Variants in RBM47 observed in about 807,000 individuals in gnomAD.
The protein encoded by RBM47 is RNA binding motif protein 47.
In RBM47, 21 loss-of-function variants were observed where a neutral mutation model predicts 47.1. The ratio of observed to expected loss-of-function variants is 0.45; its 90% CI spans 0.32 to 0.64. The LOEUF (loss-of-function observed/expected upper bound fraction) is 0.64, where lower values mean the gene tolerates loss of function less well. Among genes scored for constraint, RBM47 ranks in the 30% least tolerant of loss-of-function variants. The pLI, the probability that RBM47 is intolerant of heterozygous loss-of-function variation, is 0.05. For missense variants in RBM47, 708 were observed against 870.9 expected (o/e 0.81, Z 2.35); for synonymous variants, 375 against 361.7 (o/e 1.04, Z -0.42).
chr4:40,589,650 G>A (rs1045908862), intron 1 of RBM47, among the ~76,000 whole-genome samples: 2 of 152,122 alleles, frequency 1.3e-5, no homozygotes, highest in African/African-American at 4.8e-5. Context: ...TGTTGGCTAG[G>A]CTGGTCTCGA....
chr4:40,471,693 C>CAAA (rs540788362), intron 2 of RBM47, among the ~76,000 whole-genome samples: 176 of 106,836 alleles, frequency 1.6e-3, no homozygotes, highest in South Asian at 4.4e-3. Flanking sequence ...AACTCCACCT[C>CAAA]AAAAAAAAAA....
intron 2 of RBM47, among the ~76,000 whole-genome samples, chr4:40,517,994 TA>T (rs1232002747): frequency 6.6e-6 from 1 of 152,156 alleles, no homozygotes; most frequent in Non-Finnish European, 1.5e-5. Context: ...GATCACTATA[TA>T]AACAAATGCC....
intron 1 of RBM47, among the ~76,000 whole-genome samples, chr4:40,564,979 G>A (rs548471552): frequency 1.3e-5 from 2 of 152,218 alleles, no homozygotes; most frequent in Non-Finnish European, 2.9e-5. Context: ...GCTCTCTTGT[G>A]TGTGTCTTGA....
At chr4:40,508,720 C>T (rs1167204114) in intron 2 of RBM47, among the ~76,000 whole-genome samples, 1 of 152,064 alleles carries the variant, frequency 6.6e-6, no homozygotes, top group Non-Finnish European at 1.5e-5. Flanking sequence ...AGAGGCACGA[C>T]GATACTGAGA....
intron 2 of RBM47, chr4:40,543,270 C>T (rs905410197): frequency 1.2e-4 from 18 of 152,096 alleles, no homozygotes; most frequent in Non-Finnish European, 7.4e-5. Flanking sequence ...ACGAGTCACT[C>T]TGGGACATAG....
intron 1 of RBM47, among the ~76,000 whole-genome samples, chr4:40,558,524 CAAAAAAA>C (rs1198741417): frequency 8.6e-5 from 8 of 92,646 alleles, no homozygotes; most frequent in Admixed American, 1.3e-4. Flanking sequence ...ATTAAAACTA[CAAAAAAA>C]AAAAAAAAAA....
chr4:40,493,771 CAA>C (rs369288548), intron 2 of RBM47, among the ~76,000 whole-genome samples: 26,269 of 117,838 alleles, frequency 0.22, 2,699 homozygotes, highest in Non-Finnish European at 0.28. Flanking sequence ...GACCCTGTCT[CAA>C]AAAAAAAAAA....
At chr4:40,511,250 T>G (rs892133092) in intron 2 of RBM47, among the ~76,000 whole-genome samples, 2 of 152,190 alleles carry the variant, frequency 1.3e-5, no homozygotes, top group Admixed American at 6.5e-5. Flanking sequence ...GCCATACAGC[T>G]CTGTTCAGAA....
At chr4:40,576,200 C>T (rs1732289038) in intron 1 of RBM47, among the ~76,000 whole-genome samples, 1 of 150,456 alleles carries the variant, frequency 6.6e-6, no homozygotes, top group Admixed American at 6.6e-5. Flanking sequence ...CCAGATTATG[C>T]CCTTTCTTCA....
At chr4:40,589,004 T>C (rs1266915369) in intron 1 of RBM47, among the ~76,000 whole-genome samples, 1 of 141,446 alleles carries the variant, frequency 7.1e-6, no homozygotes, top group African/African-American at 2.8e-5. Context: ...TTTTTTTTTT[T>C]TTTTTTTTTT....
rs2154205710 is a variant in RBM47 at position 40,423,421 on chromosome 4, AC to A, written c.*2482del. ...CAATGTTTGAAAACAGAACTCTAAA[AC>A]TTTTTTTTTACATTTATATAGTTTG... On this transcript the variant is annotated 3_prime_UTR_variant, in exon 7 of 7. Coordinates refer to ENST00000295971, the MANE Select transcript of RBM47 (RefSeq NM_001098634.2). The A allele has an allele frequency of 6.6e-6, 1 of 152,088 alleles. No homozygotes were observed. Among genetic ancestry groups the A allele is most frequent in the African/African-American group, 2.4e-5 (1 of 41,524 alleles). The allele number at this position is 152,088 out of a possible 1,614,324, so 9.4% of individuals were successfully genotyped here.
chr4:40,499,543 G>A (rs1560422488), intron 2 of RBM47, among the ~76,000 whole-genome samples: 1 of 152,130 alleles, frequency 6.6e-6, no homozygotes, highest in Non-Finnish European at 1.5e-5. Flanking sequence ...CCGAGTAGCT[G>A]GGATTACAGG....
At chr4:40,558,555 T>G (rs1240553817) in intron 1 of RBM47, among the ~76,000 whole-genome samples, 1 of 145,618 alleles carries the variant, frequency 6.9e-6, no homozygotes, top group Non-Finnish European at 1.5e-5. Context: ...GGGCCAGACA[T>G]GGTGGCTCAT....
chr4:40,527,657 C>T (rs1027527002), intron 2 of RBM47, among the ~76,000 whole-genome samples: 1 of 149,824 alleles, frequency 6.7e-6, no homozygotes, highest in Admixed American at 6.7e-5. Context: ...GAACTCCTGG[C>T]CTCAACTGGT....
chr4:40,556,871 CAG>C (rs551073082), intron 1 of RBM47, among the ~76,000 whole-genome samples: 55 of 150,966 alleles, frequency 3.6e-4, no homozygotes, highest in African/African-American at 1.3e-3. Context: ...GCCTGGGCAA[CAG>C]AGAGAAACCT....
intron 2 of RBM47, among the ~76,000 whole-genome samples, chr4:40,524,559 T>C (rs1392057025): frequency 6.6e-6 from 1 of 152,206 alleles, no homozygotes; most frequent in African/African-American, 2.4e-5. Context: ...TGTCAAGGAA[T>C]TCTAACCAGA....
chr4:40,485,003 GTTTGT>G (rs1473439251), intron 2 of RBM47, among the ~76,000 whole-genome samples: 4 of 149,196 alleles, frequency 2.7e-5, no homozygotes, highest in African/African-American at 2.5e-5. Flanking sequence ...CTTTTTTTTT[GTTTGT>G]TTTCTTTTTC....
At chr4:40,493,384 G>C (rs1722155955) in intron 2 of RBM47, among the ~76,000 whole-genome samples, 1 of 152,200 alleles carries the variant, frequency 6.6e-6, no homozygotes, top group South Asian at 2.1e-4. Flanking sequence ...GTGGATGTAA[G>C]ACTTCAGTAA....
intron 3 of RBM47, among the ~76,000 whole-genome samples, chr4:40,447,420 T>A (rs79159769): frequency 0.014 from 2,064 of 152,320 alleles, 20 homozygotes; most frequent in Middle Eastern, 0.031. Flanking sequence ...GGATTTGAAT[T>A]CTCTTTTTAG....
Sources: allele counts gnomAD v4.1 joint callset (sites outside exome capture counted in the v4.1 genomes callset), GRCh38; gene constraint gnomAD v4.1.1; transcripts MANE v1.5; gene names NCBI Gene and HGNC (gene_info 2026-07-23, HGNC 2026-07-21).